Variants in HCRTR2 observed in about 807,000 individuals in gnomAD.
HCRTR2 encodes orexin receptor type 2.
HCRTR2 carries 22 observed loss-of-function variants against 49.0 expected under a neutral mutation model. The observed-to-expected ratio is 0.45, with a 90% CI of 0.32 to 0.64. The LOEUF is 0.64. Ranked by LOEUF, HCRTR2 falls within the 30% of genes least tolerant of loss-of-function variation. The pLI is 0.04. For synonymous variants in HCRTR2, 236 were observed against 205.3 expected (o/e 1.15, Z -1.28); for missense variants, 491 against 559.4 (o/e 0.88, Z 1.23).
chr6:55,190,713 A>C (rs1476034219), intron 1 of HCRTR2, among the ~76,000 whole-genome samples: 1 of 152,220 alleles, frequency 6.6e-6, no homozygotes, highest in African/African-American at 2.4e-5. Flanking sequence ...CATCACAGCT[A>C]CATTTTTTAA....
In HCRTR2 at chr6:55,282,297, G is replaced by A. The variant is rs758357339; in HGVS notation, c.1178G>A (p.Arg393Gln). Reference sequence around the variant, plus strand: ...GGAGTTCACCATCGCCAGGAGGATCGGCTCACCAGGGGACGAACTAGCACA... The same window carrying A: ...GGAGTTCACCATCGCCAGGAGGATCAGCTCACCAGGGGACGAACTAGCACA... ...CLGVHHRQED[R>Q]LTRGRTSTES... is the part of the protein sequence containing the mutation. The change falls in exon 7 of 7, where the codon CGG becomes CAG. Residue 393 changes from arginine to glutamine, a missense_variant. Coordinates refer to ENST00000370862, the MANE Select transcript of HCRTR2 (RefSeq NM_001384272.1). The A allele has an allele frequency of 1.5e-5, 24 of 1,613,676 alleles. No homozygotes were observed. Among genetic ancestry groups the A allele is most frequent in the Admixed American group, 1.3e-4 (8 of 59,890 alleles).
chr6:55,248,529 T>C, intron 1 of HCRTR2, 110 bp from the exon 2 acceptor site: 1 of 889,078 alleles, frequency 1.1e-6, no homozygotes. Context: ...CCTTCAATTA[T>C]TTTTCTTTTT....
chr6:55,222,362 T>C (rs1014159465), intron 1 of HCRTR2, among the ~76,000 whole-genome samples: 10 of 149,896 alleles, frequency 6.7e-5, no homozygotes, highest in Non-Finnish European at 1.5e-4. Context: ...GTACAGCCAC[T>C]GTGAAAAAAT....
chr6:55,227,287 CT>C (rs1766027664), intron 1 of HCRTR2, among the ~76,000 whole-genome samples: 1 of 152,098 alleles, frequency 6.6e-6, no homozygotes, highest in African/African-American at 2.4e-5. Flanking sequence ...ATTTTGATTA[CT>C]TTTTCCATTA....
At chr6:55,197,661 T>A (rs60304167) in intron 1 of HCRTR2, among the ~76,000 whole-genome samples, 1 of 151,736 alleles carries the variant, frequency 6.6e-6, no homozygotes, top group Non-Finnish European at 1.5e-5. Context: ...TCGCTCTGTC[T>A]CCCAGGTTGA....
intron 1 of HCRTR2, among the ~76,000 whole-genome samples, chr6:55,226,304 G>A (rs1179258034): frequency 1.3e-5 from 2 of 152,022 alleles, no homozygotes; most frequent in Admixed American, 6.6e-5. Flanking sequence ...TCTGAAAAAT[G>A]AAACTGCAAT....
chr6:55,245,246 C>T (rs754809953), intron 1 of HCRTR2, among the ~76,000 whole-genome samples: 8 of 151,140 alleles, frequency 5.3e-5, no homozygotes, highest in Non-Finnish European at 8.9e-5. Context: ...AACACAAACT[C>T]AAAATTCAAA....
At chr6:55,131,153 CT>C (rs894451587) in intron 1 of HCRTR2, among the ~76,000 whole-genome samples, 24 of 151,582 alleles carry the variant, frequency 1.6e-4, no homozygotes, top group Non-Finnish European at 3.0e-4. Flanking sequence ...AATTAAAGAT[CT>C]TTTTTTTCAT....
chr6:55,272,647 AAGGTTG>A (rs1766995243), intron 4 of HCRTR2, among the ~76,000 whole-genome samples: 1 of 151,940 alleles, frequency 6.6e-6, no homozygotes, highest in Non-Finnish European at 1.5e-5. Flanking sequence ...GGAAGCAAAA[AAGGTTG>A]AACACACAAT....
At chr6:55,130,936 A>G (rs1202374945) in intron 1 of HCRTR2, among the ~76,000 whole-genome samples, 1 of 151,866 alleles carries the variant, frequency 6.6e-6, no homozygotes, top group Non-Finnish European at 1.5e-5. Flanking sequence ...AATCATAACC[A>G]TCAGGATTTA....
At chr6:55,261,280 A>G (rs1252880749) in intron 3 of HCRTR2, among the ~76,000 whole-genome samples, 3 of 152,240 alleles carry the variant, frequency 2.0e-5, no homozygotes, top group African/African-American at 7.2e-5. Context: ...TTGGCTAAGA[A>G]CATGAATAGA....
chr6:55,224,286 G>GAT (rs546525686), intron 1 of HCRTR2, among the ~76,000 whole-genome samples: 4 of 152,104 alleles, frequency 2.6e-5, no homozygotes, highest in Non-Finnish European at 5.9e-5. Context: ...CAATAGCCAA[G>GAT]ATATAGAATC....
In HCRTR2 at chr6:55,245,387, GTA is replaced by G. The variant is rs1270944319; in HGVS notation, c.224-3241_224-3240del. ...TGTGTGTGTGTATATATATATATAT[GTA>G]TATATATATACACACACACACACAT... On this transcript the variant is annotated intron_variant, in intron 1 of 6. Transcript: ENST00000370862. Among the ~76,000 whole-genome samples the G allele has an allele frequency of 1.2e-3, 129 of 111,316 alleles. 1 individual carries two copies. The highest frequency in any genetic ancestry group is 4.6e-3 in the African/African-American group (125 of 27,350). The allele number at this position is 111,316 out of a possible 152,430, so 73.0% of individuals were successfully genotyped here.
chr6:55,234,672 G>A (rs76845860), intron 1 of HCRTR2, among the ~76,000 whole-genome samples: 27,558 of 151,894 alleles, frequency 0.18, 2,869 homozygotes, highest in Non-Finnish European at 0.24. Context: ...AAAAAGTGGG[G>A]AAAAAAACTC....
chr6:55,189,031 A>T (rs1202568679), intron 1 of HCRTR2, among the ~76,000 whole-genome samples: 1 of 152,236 alleles, frequency 6.6e-6, no homozygotes, highest in Non-Finnish European at 1.5e-5. Context: ...AGGGAATTCC[A>T]ATAATACACA....
chr6:55,277,301 CTG>C, intron 4 of HCRTR2, 77 bp from the exon 5 acceptor site: 1 of 1,206,696 alleles, frequency 8.3e-7, no homozygotes, highest in Admixed American at 1.7e-5. Context: ...CCTTTCCTTA[CTG>C]TGTTTTCTAA....
chr6:55,197,333 C>T (rs1329873049), intron 1 of HCRTR2, among the ~76,000 whole-genome samples: 1 of 152,076 alleles, frequency 6.6e-6, no homozygotes, highest in Non-Finnish European at 1.5e-5. Flanking sequence ...CATCTGAAAC[C>T]CTCATCAGAA....
intron 1 of HCRTR2, among the ~76,000 whole-genome samples, chr6:55,220,428 C>G (rs972272148): frequency 6.6e-6 from 1 of 152,072 alleles, no homozygotes; most frequent in Non-Finnish European, 1.5e-5. Context: ...ATGTGATACA[C>G]TATATTAACA....
rs537518517 is a variant in HCRTR2, at chr6:55,110,860, C to A, written c.-378+4315C>A. The stretch of plus-strand genomic sequence containing the variant: ...AATGAAACAATGGACTTAAAGTATA[C>A]CCTAGACAAACAAACTTAACAGACA... On this transcript the variant is annotated intron_variant, in intron 1 of 7. Transcript: ENST00000615358. Among the ~76,000 whole-genome samples, 358 of 145,532 alleles carry A rather than the reference C, an allele frequency of 2.5e-3. 4 individuals carry two copies. Among genetic ancestry groups the A allele is most frequent in the African/African-American group, 7.4e-3 (297 of 40,072 alleles).
Sources: gnomAD v4.1 joint callset for allele counts (sites outside exome capture counted in the v4.1 genomes callset) on GRCh38, gnomAD v4.1.1 for gene constraint, MANE v1.5 for transcripts, NCBI Gene and HGNC (gene_info 2026-07-23, HGNC 2026-07-21) for gene names.